The following MREG variants were observed in gnomAD, a reference collection of about 807,000 sequenced individuals.
MREG encodes melanoregulin.
A neutral mutation model predicts 28.5 loss-of-function variants in MREG; 31 were observed. The ratio of observed to expected loss-of-function variants is 1.09; its 90% CI spans 0.82 to 1.47. The LOEUF (loss-of-function observed/expected upper bound fraction) is 1.47. Among genes scored for constraint, MREG ranks in the 40% most tolerant of loss-of-function variants. The pLI is 0.00. For missense variants in MREG, 256 were observed against 257.4 expected, an observed-to-expected ratio of 0.99 and a Z score of 0.04; for synonymous variants, 106 against 95.2, an observed-to-expected ratio of 1.11 and a Z score of -0.66.
In MREG at chr2:215,949,087, C is replaced by CTACTAA. The variant is rs869228880; in HGVS notation, c.256-1975_256-1974insTTAGTA. ...ACTACTACTACTACTACTACTACTACTAATAATAATAATAATAATACAAAA... is the reference window on the plus strand; with the variant it reads ...ACTACTACTACTACTACTACTACTACTACTAATAATAATAATAATAATAATACAAAA... On this transcript the variant is annotated intron_variant, in intron 2 of 4. Transcript: ENST00000263268. Among the ~76,000 whole-genome samples the CTACTAA allele has an allele frequency of 5.8e-3, 725 of 124,512 alleles. 5 individuals are homozygous for CTACTAA. Among genetic ancestry groups the CTACTAA allele is most frequent in the Admixed American group, 7.3e-3 (84 of 11,512 alleles). 81.7% of individuals were successfully genotyped at this position (124,512 alleles called of 152,430 possible). A position where few individuals can be genotyped will look rare whatever the true frequency, so the allele number is the denominator to read the frequency against.
chr2:216,027,260 G>A (rs910818324), intron 1 of MREG, among the ~76,000 whole-genome samples: 2 of 152,230 alleles, frequency 1.3e-5, no homozygotes, highest in Non-Finnish European at 1.5e-5. Flanking sequence ...GAATATACTT[G>A]TTGGAAGCTA....
intron 2 of MREG, among the ~76,000 whole-genome samples, chr2:215,959,576 T>C (rs913403067): frequency 8.5e-5 from 13 of 152,354 alleles, no homozygotes; most frequent in South Asian, 4.1e-4. Flanking sequence ...AAAGATGAGA[T>C]TGGGTCACTT....
At chr2:216,032,091 G>T (rs1398547565) in intron 1 of MREG, among the ~76,000 whole-genome samples, 2 of 152,206 alleles carry the variant, frequency 1.3e-5, no homozygotes, top group African/African-American at 4.8e-5. Context: ...TACAGGGTAA[G>T]AAATTCTAAC....
At chr2:215,956,185 C>T (rs183094963) in intron 2 of MREG, among the ~76,000 whole-genome samples, 2 of 152,196 alleles carry the variant, frequency 1.3e-5, no homozygotes, top group Non-Finnish European at 2.9e-5. Context: ...TCAGCCTACA[C>T]AGCAGTTCAT....
At chr2:215,982,688 G>A (rs780783980) in intron 2 of MREG, among the ~76,000 whole-genome samples, 2 of 152,102 alleles carry the variant, frequency 1.3e-5, no homozygotes, top group Admixed American at 6.5e-5. Flanking sequence ...TTCCACTGAC[G>A]CTCTTTCTAA....
chr2:216,031,416 G>A (rs971156013), intron 1 of MREG, among the ~76,000 whole-genome samples: 27 of 76,470 alleles, frequency 3.5e-4, no homozygotes, highest in African/African-American at 1.4e-3. Flanking sequence ...AAGGAAGAAA[G>A]GAAGAAAGAA....
At chr2:216,023,617 A>G (rs1442080273) in intron 1 of MREG, among the ~76,000 whole-genome samples, 1 of 152,142 alleles carries the variant, frequency 6.6e-6, no homozygotes, top group African/African-American at 2.4e-5. Flanking sequence ...TAAATAATAT[A>G]AGGGAAGCAA....
intron 1 of MREG, among the ~76,000 whole-genome samples, chr2:215,998,645 G>A (rs1270142980): frequency 6.6e-6 from 1 of 152,192 alleles, no homozygotes; most frequent in African/African-American, 2.4e-5. Flanking sequence ...CTAGAACACA[G>A]GCAGCCCCAC....
rs183787445 is a variant in MREG, at chr2:215,945,831, G to A, written c.347-97C>T. ...CAGGAGATTACGAACAGACCCATGT[G>A]GATTCTGTACAAGCATAAAGCATCA... On this transcript the variant is annotated intron_variant, in intron 3 of 4. Coordinates refer to ENST00000263268, the MANE Select transcript of MREG (RefSeq NM_018000.3). 7.4e-4 allele frequency: 779 copies of A among 1,049,624 alleles called. 2 individuals are homozygous for A. Among genetic ancestry groups the A allele is most frequent in the Non-Finnish European group, 9.8e-4 (717 of 728,204 alleles). 65.0% of individuals were successfully genotyped at this position (1,049,624 alleles called of 1,614,324 possible). A position where few individuals can be genotyped will look rare whatever the true frequency, so the allele number is the denominator to read the frequency against.
intron 2 of MREG, among the ~76,000 whole-genome samples, chr2:215,970,605 G>T (rs1455329795): frequency 6.6e-6 from 1 of 152,176 alleles, no homozygotes; most frequent in African/African-American, 2.4e-5. Context: ...AAGGGCAGCA[G>T]GGAAACAGCA....
chr2:216,023,087 ATCGACAGGCCAGAACCCTGCAAC>A (rs1418674373), intron 1 of MREG, among the ~76,000 whole-genome samples: 2 of 152,224 alleles, frequency 1.3e-5, no homozygotes, highest in Non-Finnish European at 2.9e-5. Flanking sequence ...CAAGAGATAC[ATCGACAGGCCAGAACCCTGCAAC>A]TCTCCCGGAC....
intron 1 of MREG, among the ~76,000 whole-genome samples, chr2:216,028,117 T>C (rs17547871): frequency 0.18 from 27,941 of 152,214 alleles, 3,035 homozygotes; most frequent in Non-Finnish European, 0.25. Context: ...TAATGCTTCA[T>C]GTAAATATAA....
At chr2:215,983,188 CA>C (rs2106002914) in intron 2 of MREG, among the ~76,000 whole-genome samples, 1 of 152,328 alleles carries the variant, frequency 6.6e-6, no homozygotes, top group South Asian at 2.1e-4. Context: ...GTAAAACTTG[CA>C]GTCCTATCTC....
At position 215,949,075 on chromosome 2, in the gene MREG, CTACTACTACTACTAA is replaced by C. The variant is rs1357705512; in HGVS notation, c.256-1977_256-1963del. 1.7e-3 allele frequency among the ~76,000 whole-genome samples: 173 copies of C among 102,490 alleles called. 1 individual carries two copies. The East Asian group carries it at 0.024, about 14-fold the overall frequency. 67.2% of individuals were successfully genotyped at this position (102,490 alleles called of 152,430 possible). On this transcript the variant is annotated intron_variant, in intron 2 of 4. Coordinates refer to ENST00000263268, the MANE Select transcript of MREG (RefSeq NM_018000.3). ...ACTACTACTACTACTACTACTACTA[CTACTACTACTACTAA>C]TAATAATAATAATAATACAAAAATT...
intron 1 of MREG, among the ~76,000 whole-genome samples, chr2:216,009,845 T>C (rs1020554860): frequency 2.0e-5 from 3 of 152,106 alleles, no homozygotes; most frequent in Non-Finnish European, 2.9e-5. Context: ...CTCAGGTAGA[T>C]TTTTATATGG....
chr2:216,003,151 G>A (rs887741145), intron 1 of MREG, among the ~76,000 whole-genome samples: 4 of 151,804 alleles, frequency 2.6e-5, no homozygotes, highest in Admixed American at 6.6e-5. Flanking sequence ...GTCGGGGGGC[G>A]ATTGTTCCAT....
chr2:215,951,469 A>C (rs1160746356), intron 2 of MREG, among the ~76,000 whole-genome samples: 1 of 152,220 alleles, frequency 6.6e-6, no homozygotes, highest in Non-Finnish European at 1.5e-5. Context: ...CAAAAGTTAA[A>C]GTCTTATTTT....
At chr2:215,997,785 C>T (rs1165471943) in intron 1 of MREG, among the ~76,000 whole-genome samples, 1 of 152,110 alleles carries the variant, frequency 6.6e-6, no homozygotes, top group African/African-American at 2.4e-5. Context: ...AACAGAGTTG[C>T]AGGCAGAGGA....
chr2:215,946,027 C>T (rs1043404626), intron 3 of MREG, among the ~76,000 whole-genome samples: 1 of 151,946 alleles, frequency 6.6e-6, no homozygotes. Context: ...GGTTTGAAGC[C>T]CTCTTTCCTG....
Sources: allele counts gnomAD v4.1 joint callset (sites outside exome capture counted in the v4.1 genomes callset), GRCh38; gene constraint gnomAD v4.1.1; transcripts MANE v1.5; gene names NCBI Gene and HGNC (gene_info 2026-07-23, HGNC 2026-07-21).